The following MEGF10 variants were observed in gnomAD, a reference collection of about 807,000 sequenced individuals.
The protein encoded by MEGF10 is multiple epidermal growth factor-like domains protein 10.
In MEGF10, 86 loss-of-function variants were observed where a neutral mutation model predicts 147.5. That is an observed-to-expected ratio of 0.58 (90% CI 0.49 to 0.70). The LOEUF is 0.70. Among genes scored for constraint, MEGF10 ranks in the 30% least tolerant of loss-of-function variants. The pLI is 0.00. For synonymous variants in MEGF10, 478 were observed against 525.5 expected (o/e 0.91, Z 1.24); for missense variants, 1,329 against 1,487.3 (o/e 0.89, Z 1.75).
intron 12 of MEGF10, among the ~76,000 whole-genome samples, chr5:127,420,940 G>A (rs1764976720): frequency 6.6e-6 from 1 of 152,252 alleles, no homozygotes; most frequent in Non-Finnish European, 1.5e-5. Context: ...ATCTGATGGC[G>A]AGTTAACAAT....
intron 2 of MEGF10, among the ~76,000 whole-genome samples, chr5:127,332,714 C>T (rs923702771): frequency 6.6e-6 from 1 of 152,146 alleles, no homozygotes; most frequent in Non-Finnish European, 1.5e-5. Context: ...AGCAGAAGGA[C>T]TTCCTATTAG....
chr5:127,310,151 C>G (rs2126735229), intron 1 of MEGF10, among the ~76,000 whole-genome samples: 1 of 150,792 alleles, frequency 6.6e-6, no homozygotes, highest in East Asian at 1.9e-4. Flanking sequence ...GTTTGATTTA[C>G]ATTTCCCTAA....
chr5:127,247,413 GA>G, the MEGF10 span, among the ~76,000 whole-genome samples: 41 of 73,220 alleles, frequency 5.6e-4, 6 homozygotes, highest in African/African-American at 2.5e-3. Context: ...AGAAGAAGAA[GA>G]AGAAGAAGAA....
At chr5:127,302,902 A>G (rs78930470) in intron 1 of MEGF10, among the ~76,000 whole-genome samples, 1,933 of 152,258 alleles carry the variant, frequency 0.013, 43 homozygotes, top group African/African-American at 0.043. Flanking sequence ...GGGACATTGA[A>G]AGATTTGTGA....
At chr5:127,263,401 G>T in the MEGF10 span, among the ~76,000 whole-genome samples, 2 of 151,980 alleles carry the variant, frequency 1.3e-5, no homozygotes. Flanking sequence ...TGACTAAGCA[G>T]GTATTAGAGG....
chr5:127,375,863 G>GTCAT (rs986575737), intron 5 of MEGF10, among the ~76,000 whole-genome samples: 4 of 152,210 alleles, frequency 2.6e-5, no homozygotes, highest in Non-Finnish European at 5.9e-5. Flanking sequence ...TTCTGAGAAG[G>GTCAT]TCATTCATGT....
At chr5:127,389,450 A>G (rs1196034142) in intron 5 of MEGF10, among the ~76,000 whole-genome samples, 1 of 152,236 alleles carries the variant, frequency 6.6e-6, no homozygotes, top group Admixed American at 6.5e-5. Context: ...AAATTGTTCC[A>G]ACATAAAGAT....
chr5:127,396,897 G>T, intron 6 of MEGF10, 119 bp downstream of exon 6: 1 of 1,421,060 alleles, frequency 7.0e-7, no homozygotes, highest in South Asian at 1.4e-5. Flanking sequence ...GTTACTGATG[G>T]GTCTAGGCTG....
intron 12 of MEGF10, among the ~76,000 whole-genome samples, chr5:127,421,541 TAAACA>T (rs1226226017): frequency 2.6e-5 from 4 of 152,128 alleles, no homozygotes; most frequent in Non-Finnish European, 5.9e-5. Context: ...TCTTTCTCCA[TAAACA>T]AAACAATCAT....
intron 4 of MEGF10, among the ~76,000 whole-genome samples, chr5:127,344,360 G>A (rs1761793022): frequency 6.6e-6 from 1 of 152,042 alleles, no homozygotes; most frequent in Non-Finnish European, 1.5e-5. Context: ...ACATTATGAG[G>A]CAGATATAAT....
At chr5:127,427,549 T>G (rs1765242836) in intron 13 of MEGF10, among the ~76,000 whole-genome samples, 1 of 151,614 alleles carries the variant, frequency 6.6e-6, no homozygotes, top group Non-Finnish European at 1.5e-5. Flanking sequence ...TGTGGGCAAG[T>G]TGATGTGAAG....
chr5:127,355,341 C>T (rs1762242757), intron 4 of MEGF10, among the ~76,000 whole-genome samples: 1 of 152,078 alleles, frequency 6.6e-6, no homozygotes, highest in South Asian at 2.1e-4. Flanking sequence ...TCTTTTGATC[C>T]ATTTAAGCAG....
At chr5:127,240,826 T>G in the MEGF10 span, among the ~76,000 whole-genome samples, 1 of 152,208 alleles carries the variant, frequency 6.6e-6, no homozygotes, top group Non-Finnish European at 1.5e-5. Flanking sequence ...ACTGCCAAAT[T>G]TTTGATAAGC....
chr5:127,287,227 C>A (rs902498480), upstream of MEGF10, among the ~76,000 whole-genome samples: 1 of 152,024 alleles, frequency 6.6e-6, no homozygotes, highest in Non-Finnish European at 1.5e-5. Flanking sequence ...TGATGAGCAA[C>A]AAGGATGGGA....
At chr5:127,418,548 C>G (rs1191522018) in intron 10 of MEGF10, among the ~76,000 whole-genome samples, 1 of 152,158 alleles carries the variant, frequency 6.6e-6, no homozygotes, top group Non-Finnish European at 1.5e-5. Context: ...CTTGAATTAG[C>G]TTTGTCTTAA....
chr5:127,414,244 T>A (rs998572380), intron 9 of MEGF10, among the ~76,000 whole-genome samples: 5 of 152,150 alleles, frequency 3.3e-5, no homozygotes, highest in Non-Finnish European at 5.9e-5. Flanking sequence ...AACCTCCCTT[T>A]TCTTTGGTAT....
intron 2 of MEGF10, among the ~76,000 whole-genome samples, chr5:127,335,534 G>GA (rs1344668449): frequency 6.6e-6 from 1 of 152,144 alleles, no homozygotes; most frequent in Non-Finnish European, 1.5e-5. Flanking sequence ...ATCGCTTCCA[G>GA]AAAATGGACC....
intron 1 of MEGF10, among the ~76,000 whole-genome samples, chr5:127,324,117 T>A (rs1580713293): frequency 6.6e-6 from 1 of 152,140 alleles, no homozygotes; most frequent in South Asian, 2.1e-4. Context: ...CTGGCTACAA[T>A]AATAGGGTAT....
chr5:127,291,778 T>G (rs1759268096), intron 1 of MEGF10, among the ~76,000 whole-genome samples: 1 of 152,230 alleles, frequency 6.6e-6, no homozygotes, highest in South Asian at 2.1e-4. Flanking sequence ...TGGCCTTAAT[T>G]TTCTTTCTGG....
Sources: gnomAD v4.1 joint callset for allele counts (sites outside exome capture counted in the v4.1 genomes callset) on GRCh38, gnomAD v4.1.1 for gene constraint, MANE v1.5 for transcripts, NCBI Gene and HGNC (gene_info 2026-07-23, HGNC 2026-07-21) for gene names.